The following OXR1 variants were observed in gnomAD, a reference collection of about 807,000 sequenced individuals.
OXR1 encodes oxidation resistance 1.
In OXR1, 41 loss-of-function variants were observed where a neutral mutation model predicts 104.6. That is an observed-to-expected ratio of 0.39 (90% confidence interval 0.31 to 0.51). OXR1 has a LOEUF of 0.51. Ranked by LOEUF, OXR1 falls within the 20% of genes least tolerant of loss-of-function variation. The pLI, the probability that OXR1 is intolerant of heterozygous loss-of-function variation, is 0.77. For missense variants in OXR1, 955 were observed against 1,031.9 expected (o/e 0.93, Z 1.02); for synonymous variants, 348 against 348.4 (o/e 1.00, Z 0.01).
In OXR1 at chr8:106,638,618, C is replaced by G. The variant is rs561597169; in HGVS notation, c.221-40592C>G. On this transcript the variant is annotated intron_variant, in intron 3 of 16. Coordinates refer to ENST00000517566, the MANE Select transcript of OXR1 (RefSeq NM_001198533.2). Reference sequence around the variant, plus strand: ...CCAGGGATGTCAAAAAGCAAATACCCGGCTGGGCGCGATGACTCACACCTG... The same window carrying G: ...CCAGGGATGTCAAAAAGCAAATACCGGGCTGGGCGCGATGACTCACACCTG... 2.0e-4 allele frequency among the ~76,000 whole-genome samples: 30 copies of G among 152,202 alleles called. 2 individuals carry two copies. The South Asian group carries it at 6.2e-3, about 32-fold the overall frequency.
chr8:106,370,749 A>T (rs1011078093), intron 2 of OXR1, among the ~76,000 whole-genome samples: 2 of 152,174 alleles, frequency 1.3e-5, no homozygotes, highest in Non-Finnish European at 2.9e-5. Context: ...GATGAACCCA[A>T]CTTGATCATT....
chr8:106,285,544 C>T (rs1161370309), intron 1 of OXR1, among the ~76,000 whole-genome samples: 1 of 151,982 alleles, frequency 6.6e-6, no homozygotes, highest in African/African-American at 2.4e-5. Context: ...ATTTCTGAAA[C>T]GTTTCATGTG....
intron 2 of OXR1, among the ~76,000 whole-genome samples, chr8:106,495,680 A>G (rs1811365891): frequency 6.6e-6 from 1 of 152,218 alleles, no homozygotes; most frequent in South Asian, 2.1e-4. Flanking sequence ...CAAGACAGCA[A>G]AGAATTCGGT....
At chr8:106,403,462 C>A (rs1308013803) in intron 2 of OXR1, among the ~76,000 whole-genome samples, 1 of 152,236 alleles carries the variant, frequency 6.6e-6, no homozygotes, top group Non-Finnish European at 1.5e-5. Flanking sequence ...GTCTGGTCTA[C>A]AGAGAAGAGC....
At chr8:106,433,667 A>G (rs1291954077) in intron 2 of OXR1, among the ~76,000 whole-genome samples, 1 of 152,132 alleles carries the variant, frequency 6.6e-6, no homozygotes, top group African/African-American at 2.4e-5. Flanking sequence ...CACTGTTATA[A>G]TGTTCTCCGT....
At chr8:106,591,343 T>C (rs572301726) in intron 3 of OXR1, among the ~76,000 whole-genome samples, 1 of 144,312 alleles carries the variant, frequency 6.9e-6, no homozygotes, top group South Asian at 2.3e-4. Context: ...TACCTAATGC[T>C]AAATGACGAG....
At chr8:106,551,379 G>A (rs1377129795) in intron 3 of OXR1, among the ~76,000 whole-genome samples, 1 of 152,130 alleles carries the variant, frequency 6.6e-6, no homozygotes, top group Admixed American at 6.5e-5. Context: ...CCACTTGAAA[G>A]TTCTATTCAC....
intron 2 of OXR1, among the ~76,000 whole-genome samples, chr8:106,456,709 G>A (rs1297136289): frequency 6.6e-6 from 1 of 152,016 alleles, no homozygotes; most frequent in Non-Finnish European, 1.5e-5. Flanking sequence ...GCAGCTATTT[G>A]ATTACCTTTT....
rs559543471 is a variant in OXR1, at chr8:106,610,117, T to A, written c.221-69093T>A. Reference sequence around the variant, plus strand: ...AACCTTTTGATTTTTTTTTTTTTTTTATAATTTACCCCTTTAAGCCAGTTG... The same window carrying A: ...AACCTTTTGATTTTTTTTTTTTTTTAATAATTTACCCCTTTAAGCCAGTTG... On this transcript the variant is annotated intron_variant, in intron 3 of 16. Transcript: ENST00000517566. 9.2e-5 allele frequency among the ~76,000 whole-genome samples: 14 copies of A among 151,684 alleles called. 2 individuals carry two copies. In the South Asian group the frequency reaches 2.1e-3, roughly 23 times the overall value.
chr8:106,443,998 A>G (rs1819901875), intron 2 of OXR1, among the ~76,000 whole-genome samples: 1 of 152,194 alleles, frequency 6.6e-6, no homozygotes, highest in African/African-American at 2.4e-5. Context: ...TATTTACAAG[A>G]AAAAAACAAA....
At chr8:106,714,866 C>T (rs916935278) in intron 11 of OXR1, among the ~76,000 whole-genome samples, 2 of 152,048 alleles carry the variant, frequency 1.3e-5, no homozygotes, top group Non-Finnish European at 2.9e-5. Flanking sequence ...CATGGCTTGT[C>T]TTTTGTTTAA....
intron 3 of OXR1, among the ~76,000 whole-genome samples, chr8:106,562,202 A>T (rs944997271): frequency 1.3e-5 from 2 of 152,134 alleles, no homozygotes; most frequent in African/African-American, 4.8e-5. Flanking sequence ...GTTCTAACCC[A>T]TAGCAAGGAA....
intron 1 of OXR1, among the ~76,000 whole-genome samples, chr8:106,303,527 C>T (rs751650814): frequency 6.6e-6 from 1 of 151,730 alleles, no homozygotes; most frequent in Non-Finnish European, 1.5e-5. Context: ...TGTGAGCTAC[C>T]GAGCCCGGCC....
At chr8:106,708,532 T>C (rs1831374279) in intron 9 of OXR1, among the ~76,000 whole-genome samples, 1 of 152,224 alleles carries the variant, frequency 6.6e-6, no homozygotes, top group Non-Finnish European at 1.5e-5. Context: ...CATACAATAT[T>C]TATCCATTGA....
At chr8:106,668,120 A>G (rs1474267508) in intron 3 of OXR1, among the ~76,000 whole-genome samples, 1 of 151,904 alleles carries the variant, frequency 6.6e-6, no homozygotes, top group Admixed American at 6.6e-5. Context: ...TCATTTTACT[A>G]TTTTTACATT....
At chr8:106,685,910 T>G (rs1295792053) in intron 6 of OXR1, among the ~76,000 whole-genome samples, 1 of 148,462 alleles carries the variant, frequency 6.7e-6, no homozygotes, top group African/African-American at 2.4e-5. Flanking sequence ...ATAAGGAAAA[T>G]GTGGTATATA....
chr8:106,657,010 A>T (rs1488024186), intron 3 of OXR1, among the ~76,000 whole-genome samples: 1 of 152,114 alleles, frequency 6.6e-6, no homozygotes, highest in Non-Finnish European at 1.5e-5. Context: ...AAGAGGGTTT[A>T]ATTTATTTAA....
chr8:106,733,795 C>G (rs978805236), intron 11 of OXR1, among the ~76,000 whole-genome samples: 5 of 141,174 alleles, frequency 3.5e-5, no homozygotes, highest in African/African-American at 1.3e-4. Context: ...CACTGCACTC[C>G]AGCCTGAGTG....
chr8:106,534,938 G>A (rs1814369305), intron 3 of OXR1, among the ~76,000 whole-genome samples: 1 of 152,114 alleles, frequency 6.6e-6, no homozygotes, highest in Non-Finnish European at 1.5e-5. Context: ...CATTTATCCT[G>A]AAAGCTAGCA....
Sources: allele counts gnomAD v4.1 joint callset (sites outside exome capture counted in the v4.1 genomes callset), GRCh38; gene constraint gnomAD v4.1.1; transcripts MANE v1.5; gene names NCBI Gene and HGNC (gene_info 2026-07-23, HGNC 2026-07-21).